Variants in C4orf33 observed in about 807,000 individuals in gnomAD.
C4orf33 encodes the protein UPF0462 protein C4orf33.
C4orf33 carries 20 observed loss-of-function variants against 24.3 expected under a neutral mutation model. The observed-to-expected ratio is 0.82, with a 90% CI of 0.58 to 1.19. C4orf33 has a LOEUF of 1.19. C4orf33 is among the 50% of genes most tolerant of loss of function. The pLI, the probability that C4orf33 is intolerant of heterozygous loss-of-function variation, is 0.00. For missense variants in C4orf33, 207 were observed against 225.9 expected (o/e 0.92, Z 0.54); for synonymous variants, 67 against 76.4 (o/e 0.88, Z 0.64).
chr4:129,109,976 T>A (rs1753639248), intron 5 of C4orf33: 1 of 1,130,920 alleles, frequency 8.8e-7, no homozygotes, highest in Admixed American at 4.7e-5. Context: ...CAAATTCATT[T>A]AAAATTTCTT....
At chr4:129,103,445 C>A (rs916197799) in intron 2 of C4orf33, among the ~76,000 whole-genome samples, 1 of 152,128 alleles carries the variant, frequency 6.6e-6, no homozygotes, top group Non-Finnish European at 1.5e-5. Context: ...CATTACAAAT[C>A]TTCTTTATGG....
At position 129,115,709 on chromosome 4, in the gene C4orf33, A is replaced by C. The variant is rs1225081222; in HGVS notation, c.*3918A>C. 1.3e-5 allele frequency: 2 copies of C among 151,526 alleles called. No homozygotes were observed. The highest frequency in any genetic ancestry group is 4.8e-5 in the African/African-American group (2 of 41,250). The allele number at this position is 151,526 out of a possible 1,614,324, so 9.4% of individuals were successfully genotyped here. ...ACATTCCAAAATTAATGCACTGCAC[A>C]CAACCCTCTGCTTTTGTCAGGGGTA... On this transcript the variant is annotated 3_prime_UTR_variant, in exon 6 of 6. Transcript: ENST00000425929.
chr4:129,103,233 A>G (rs1044828669), intron 2 of C4orf33, among the ~76,000 whole-genome samples: 2 of 151,832 alleles, frequency 1.3e-5, no homozygotes, highest in African/African-American at 4.8e-5. Context: ...GTTAGCCAGG[A>G]TGGTCTCGAT....
intron 1 of C4orf33, chr4:129,102,208 A>G (rs1753375998): frequency 6.5e-6 from 1 of 154,254 alleles, no homozygotes; most frequent in Admixed American, 6.5e-5. Flanking sequence ...TATATTAACA[A>G]TTTTTGCAGT....
At chr4:129,104,947 T>C (rs1248465473) in intron 2 of C4orf33, among the ~76,000 whole-genome samples, 2 of 142,314 alleles carry the variant, frequency 1.4e-5, no homozygotes, top group South Asian at 2.5e-4. Context: ...AGAAGATATA[T>C]ATGTGCATCT....
In C4orf33 at chr4:129,112,819, A is replaced by T. The variant is rs529888661; in HGVS notation, c.*1028A>T. ...TGTAAGATAAATGCTAACTTTTACA[A>T]AAGGTATTATTAAGTATCCTGACTA... On this transcript the variant is annotated 3_prime_UTR_variant, in exon 6 of 6. Transcript: ENST00000425929. 4 of 152,170 alleles carry T rather than the reference A, an allele frequency of 2.6e-5. No homozygotes were observed. The highest frequency in any genetic ancestry group is 1.5e-5 in the Non-Finnish European group (1 of 68,000). 9.4% of individuals were successfully genotyped at this position (152,170 alleles called of 1,614,324 possible).
intron 5 of C4orf33, 75 bp from the exon 6 acceptor site, chr4:129,111,611 A>T (rs1347703223): frequency 6.2e-6 from 5 of 800,364 alleles, no homozygotes; most frequent in Non-Finnish European, 1.1e-5. Flanking sequence ...TGACAAAATA[A>T]ATAGCCCTTC....
chr4:129,099,230 G>A (rs145981831), intron 1 of C4orf33, among the ~76,000 whole-genome samples: 1 of 152,288 alleles, frequency 6.6e-6, no homozygotes, highest in African/African-American at 2.4e-5. Context: ...ACCAACTGAT[G>A]TTGGAAACGG....
chr4:129,105,275 CTT>C (rs942028138), intron 2 of C4orf33, among the ~76,000 whole-genome samples: 1 of 152,060 alleles, frequency 6.6e-6, no homozygotes, highest in African/African-American at 2.4e-5. Context: ...GGAGGTCAGT[CTT>C]TTTTTCTATG....
chr4:129,111,401 G>A (rs1580019989), intron 5 of C4orf33, among the ~76,000 whole-genome samples: 1 of 152,312 alleles, frequency 6.6e-6, no homozygotes, highest in Middle Eastern at 3.4e-3. Context: ...TTTAAAGCTG[G>A]ATGGAATGAG....
chr4:129,099,421 G>C (rs1415984733), intron 1 of C4orf33, among the ~76,000 whole-genome samples: 2 of 152,142 alleles, frequency 1.3e-5, no homozygotes, highest in East Asian at 3.9e-4. Context: ...GTATTGATCT[G>C]ATATGTAGTG....
chr4:129,098,586 G>A (rs1753267364), intron 1 of C4orf33, among the ~76,000 whole-genome samples: 1 of 152,218 alleles, frequency 6.6e-6, no homozygotes, highest in African/African-American at 2.4e-5. Flanking sequence ...GCTCAGCCCA[G>A]GAGAGTTCTT....
In C4orf33 at chr4:129,098,654, C is replaced by G. The variant is rs917027561; in HGVS notation, c.-10+2445C>G. 2.6e-5 allele frequency among the ~76,000 whole-genome samples: 4 copies of G among 152,330 alleles called. No individual in the cohort carries two copies. In the East Asian group the frequency reaches 7.7e-4, roughly 29 times the overall value. On this transcript the variant is annotated intron_variant, in intron 1 of 5. Transcript: ENST00000425929. ...GCAAGTTTATCAGAGCAACAAACTA[C>G]AGGAAAATGGCTGCTCCATAGACAG... is the stretch of plus-strand genomic sequence containing the variant.
chr4:129,116,204 A>T lies in C4orf33; in HGVS notation c.*4413A>T, dbSNP rs961529345. The T allele has an allele frequency of 2.0e-5, 3 of 152,120 alleles. No homozygotes were observed. The highest frequency in any genetic ancestry group is 4.4e-5 in the Non-Finnish European group (3 of 68,016). The allele number at this position is 152,120 out of a possible 1,614,324, so 9.4% of individuals were successfully genotyped here. A position where few individuals can be genotyped will look rare whatever the true frequency, so the allele number is the denominator to read the frequency against. On this transcript the variant is annotated 3_prime_UTR_variant, in exon 6 of 6. Coordinates refer to ENST00000425929, the MANE Select transcript of C4orf33 (RefSeq NM_001099783.2). ...AAAATATTCTTTTCCATGTAATGGGATCTACGAGTAAATTTTTGTCTGATA... is the reference window on the plus strand; with the variant it reads ...AAAATATTCTTTTCCATGTAATGGGTTCTACGAGTAAATTTTTGTCTGATA...
chr4:129,106,785 A>G (rs1412490012), intron 3 of C4orf33, 138 bp downstream of exon 3: 1 of 506,686 alleles, frequency 2.0e-6, no homozygotes, highest in African/African-American at 2.0e-5. Context: ...ATATGCTTTT[A>G]TATATTTCTT....
intron 1 of C4orf33, among the ~76,000 whole-genome samples, chr4:129,099,944 T>C (rs1229603311): frequency 6.6e-6 from 1 of 152,196 alleles, no homozygotes. Flanking sequence ...AAAACAAATT[T>C]GTCATTGCAA....
chr4:129,097,588 G>A (rs1461006483), intron 1 of C4orf33, among the ~76,000 whole-genome samples: 1 of 152,056 alleles, frequency 6.6e-6, no homozygotes, highest in Non-Finnish European at 1.5e-5. Context: ...TCTACTGATG[G>A]GTATTTAAGT....
intron 1 of C4orf33, chr4:129,102,024 G>A (rs1441256314): frequency 2.6e-5 from 4 of 151,558 alleles, no homozygotes; most frequent in Non-Finnish European, 1.5e-5. Context: ...AAAAGAACAG[G>A]TGTTAACAGC....
upstream of C4orf33, among the ~76,000 whole-genome samples, chr4:129,095,564 A>G (rs1446908475): frequency 1.3e-5 from 2 of 152,254 alleles, no homozygotes; most frequent in Non-Finnish European, 2.9e-5. Context: ...TGCAATAAAG[A>G]AAACCCCTAA....
Sources: gnomAD v4.1 joint callset for allele counts (sites outside exome capture counted in the v4.1 genomes callset) on GRCh38, gnomAD v4.1.1 for gene constraint, MANE v1.5 for transcripts, NCBI Gene and HGNC (gene_info 2026-07-23, HGNC 2026-07-21) for gene names.